Variants in HHIPL1 observed in about 807,000 individuals in gnomAD.
HHIPL1 encodes the protein HHIP like 1, also known as HHIP-like protein 1.
In HHIPL1, 43 loss-of-function variants were observed where a neutral mutation model predicts 61.8. That is an observed-to-expected ratio of 0.70 (90% CI 0.55 to 0.90). HHIPL1 has a LOEUF of 0.90. HHIPL1 is among the 40% of genes least tolerant of loss of function. The probability of loss-of-function intolerance (pLI) is 0.00; values close to 1 mark genes in which losing one functional copy is unlikely to be tolerated. For synonymous variants in HHIPL1, 482 were observed against 515.8 expected, an observed-to-expected ratio of 0.93 and a Z score of 0.89; for missense variants, 1,056 against 1,157.7, an observed-to-expected ratio of 0.91 and a Z score of 1.28.
the HHIPL1 span, among the ~76,000 whole-genome samples, chr14:99,630,325 C>T: frequency 6.6e-6 from 1 of 152,220 alleles, no homozygotes; most frequent in Non-Finnish European, 1.5e-5. Flanking sequence ...TCTGCAGTCC[C>T]TGTCATTCCA....
intron 1 of HHIPL1, among the ~76,000 whole-genome samples, chr14:99,650,600 A>T (rs1474171006): frequency 6.6e-6 from 1 of 152,202 alleles, no homozygotes; most frequent in African/African-American, 2.4e-5. Context: ...CTCAAACCCC[A>T]GCCCACTGGC....
chr14:99,675,768 G>T lies in HHIPL1; in HGVS notation c.*142G>T, dbSNP rs185484298. On this transcript the variant is annotated 3_prime_UTR_variant, in exon 9 of 9. Transcript: ENST00000330710. The surrounding 1 kb of genome is among the most constrained non-coding windows in gnomAD (Gnocchi z 5.4). ...GTGCTGTCCTGGGGACATGTGTGAGGCGCTGCAGTGCATGTGTGTCCTCTG... is the reference window on the plus strand; with the variant it reads ...GTGCTGTCCTGGGGACATGTGTGAGTCGCTGCAGTGCATGTGTGTCCTCTG... 524 of 808,114 alleles carry T rather than the reference G, an allele frequency of 6.5e-4. 2 individuals are homozygous for T. The African/African-American group carries it at 7.1e-3, about 11-fold the overall frequency. 50.1% of individuals were successfully genotyped at this position (808,114 alleles called of 1,614,324 possible).
chr14:99,665,813 G>T (rs551269955), intron 6 of HHIPL1, among the ~76,000 whole-genome samples: 1 of 152,130 alleles, frequency 6.6e-6, no homozygotes, highest in African/African-American at 2.4e-5. Context: ...ACAGGGTCTC[G>T]CTCTGTCGCC....
At chr14:99,658,189 G>A (rs2056083239) in intron 3 of HHIPL1, among the ~76,000 whole-genome samples, 1 of 152,226 alleles carries the variant, frequency 6.6e-6, no homozygotes, top group Non-Finnish European at 1.5e-5. Context: ...CGTTTGGGAT[G>A]TGTTTAGAGA....
intron 2 of HHIPL1, among the ~76,000 whole-genome samples, chr14:99,655,888 G>A (rs1293661913): frequency 6.6e-6 from 1 of 152,202 alleles, no homozygotes; most frequent in Non-Finnish European, 1.5e-5. Flanking sequence ...ATGGCTGGGT[G>A]GAAACCCAGG....
rs1258178906 is a variant in HHIPL1, at chr14:99,656,838, A to G, written c.903-162A>G. On this transcript the variant is annotated intron_variant, in intron 2 of 8. Transcript: ENST00000330710. ...AAGAAAGAAAGAAAGAAAGAAAGAA[A>G]GGAAGGAAGGAAGGAAGGAAGGAAG... 5.8e-5 allele frequency among the ~76,000 whole-genome samples: 5 copies of G among 85,598 alleles called. 1 individual carries two copies. In the South Asian group the frequency reaches 1.3e-3, roughly 22 times the overall value. 56.2% of individuals were successfully genotyped at this position (85,598 alleles called of 152,430 possible). A position where few individuals can be genotyped will look rare whatever the true frequency, so the allele number is the denominator to read the frequency against.
upstream of HHIPL1, among the ~76,000 whole-genome samples, chr14:99,641,040 C>T (rs898446265): frequency 2.6e-5 from 4 of 151,998 alleles, no homozygotes; most frequent in African/African-American, 4.8e-5. Flanking sequence ...GCATCCGCCA[C>T]CACACCCAGC....
chr14:99,637,073 A>AGG, the HHIPL1 span, among the ~76,000 whole-genome samples: 1 of 97,172 alleles, frequency 1.0e-5, no homozygotes, highest in Non-Finnish European at 2.2e-5. Flanking sequence ...AAAGAAAGAA[A>AGG]GAGAGAGAAA....
the HHIPL1 span, among the ~76,000 whole-genome samples, chr14:99,624,611 G>A: frequency 6.6e-6 from 1 of 152,192 alleles, no homozygotes; most frequent in Non-Finnish European, 1.5e-5. Context: ...CTGAGGATCT[G>A]AGGCAGAGCA....
intron 1 of HHIPL1, 74 bp from the exon 2 acceptor site, chr14:99,652,150 G>C (rs2055941100): frequency 8.5e-6 from 12 of 1,419,032 alleles, no homozygotes; most frequent in Non-Finnish European, 1.1e-5. Flanking sequence ...TGAGAGATGG[G>C]GGACCCGCCC....
chr14:99,619,671 G>T, the HHIPL1 span, among the ~76,000 whole-genome samples: 1 of 152,010 alleles, frequency 6.6e-6, no homozygotes, highest in Non-Finnish European at 1.5e-5. Context: ...GGATGTCAAA[G>T]TTCAGGAAGC....
At chr14:99,608,387 T>C in the HHIPL1 span, among the ~76,000 whole-genome samples, 2 of 152,250 alleles carry the variant, frequency 1.3e-5, no homozygotes, top group African/African-American at 4.8e-5. Context: ...TTGAGGGTTA[T>C]AATAAACCTA....
At chr14:99,656,787 A>AAAG (rs1566809708) in intron 2 of HHIPL1, among the ~76,000 whole-genome samples, 3 of 20,416 alleles carry the variant, frequency 1.5e-4, no homozygotes, top group Admixed American at 5.9e-4. Flanking sequence ...AAAAGAAAAG[A>AAAG]AAAGAAAGAA....
chr14:99,665,080 C>T (rs1327816393), intron 6 of HHIPL1, among the ~76,000 whole-genome samples: 1 of 152,082 alleles, frequency 6.6e-6, no homozygotes, highest in Non-Finnish European at 1.5e-5. Context: ...CGTGCCGCCA[C>T]ACCCGGCTAA....
chr14:99,615,357 G>A, the HHIPL1 span, among the ~76,000 whole-genome samples: 3 of 152,020 alleles, frequency 2.0e-5, no homozygotes, highest in Non-Finnish European at 2.9e-5. Flanking sequence ...GACCAGCCTG[G>A]GCAACATGAG....
At chr14:99,624,620 CA>C in the HHIPL1 span, 1 of 152,236 alleles carries the variant, frequency 6.6e-6, no homozygotes, top group Non-Finnish European at 1.5e-5. Context: ...TGAGGCAGAG[CA>C]GGCAGCAGCC....
chr14:99,653,147 C>A (rs1232464754), intron 2 of HHIPL1, among the ~76,000 whole-genome samples: 1 of 152,164 alleles, frequency 6.6e-6, no homozygotes, highest in Non-Finnish European at 1.5e-5. Flanking sequence ...TCATTTGATT[C>A]TCCTAAAACC....
intron 6 of HHIPL1, among the ~76,000 whole-genome samples, chr14:99,667,568 G>A (rs1208609935): frequency 6.6e-6 from 1 of 152,002 alleles, no homozygotes; most frequent in Non-Finnish European, 1.5e-5. Context: ...GATCACAGGG[G>A]GCCAAGCAGA....
intron 7 of HHIPL1, among the ~76,000 whole-genome samples, chr14:99,669,437 C>G (rs1413257019): frequency 6.6e-6 from 1 of 152,010 alleles, no homozygotes; most frequent in Non-Finnish European, 1.5e-5. Context: ...CTAGGAGTCC[C>G]CACTGTGTTT....
Sources: allele counts gnomAD v4.1 joint callset (sites outside exome capture counted in the v4.1 genomes callset), GRCh38; gene constraint gnomAD v4.1.1; non-coding constraint Gnocchi (gnomAD v3.1); transcripts MANE v1.5; gene names NCBI Gene and HGNC (gene_info 2026-07-23, HGNC 2026-07-21).